The following MYH13 variants were observed in gnomAD, a reference collection of about 807,000 sequenced individuals.
MYH13 encodes the protein myosin-13.
In MYH13, 177 loss-of-function variants were observed where a neutral mutation model predicts 232.1. The ratio of observed to expected loss-of-function variants is 0.76; its 90% CI spans 0.67 to 0.86. MYH13 has a LOEUF of 0.86. Ranked by LOEUF, MYH13 falls within the 40% of genes least tolerant of loss-of-function variation. The pLI is 0.00. For missense variants in MYH13, 2,246 were observed against 2,405.9 expected (o/e 0.93, Z 1.39); for synonymous variants, 884 against 923.5 (o/e 0.96, Z 0.78).
intron 23 of MYH13, among the ~76,000 whole-genome samples, chr17:10,323,727 G>A (rs770000207): frequency 2.3e-5 from 3 of 132,102 alleles, no homozygotes; most frequent in Non-Finnish European, 4.6e-5. Flanking sequence ...CCACTGTAGC[G>A]AGATCTGCCT....
chr17:10,302,538 G>A (rs970073058), intron 39 of MYH13, among the ~76,000 whole-genome samples: 1 of 152,134 alleles, frequency 6.6e-6, no homozygotes, highest in Non-Finnish European at 1.5e-5. Context: ...GTTTAACTCA[G>A]ATTTTCCCAA....
intron 18 of MYH13, among the ~76,000 whole-genome samples, chr17:10,339,207 C>T (rs1041339300): frequency 5.3e-5 from 8 of 152,088 alleles, no homozygotes; most frequent in African/African-American, 1.9e-4. Context: ...GAGTTAGCTA[C>T]CCCATAGCCA....
At chr17:10,338,668 T>G (rs986022150) in intron 18 of MYH13, among the ~76,000 whole-genome samples, 3 of 150,660 alleles carry the variant, frequency 2.0e-5, no homozygotes, top group Non-Finnish European at 1.5e-5. Context: ...AATAATAGAT[T>G]AAAATGCCAC....
chr17:10,314,899 C>T (rs545719682), intron 29 of MYH13, among the ~76,000 whole-genome samples: 1 of 152,286 alleles, frequency 6.6e-6, no homozygotes, highest in East Asian at 1.9e-4. Flanking sequence ...AATATCTAGA[C>T]ATTGAAATCA....
At chr17:10,343,038 C>T (rs112561519) in intron 16 of MYH13, among the ~76,000 whole-genome samples, 3 of 146,034 alleles carry the variant, frequency 2.1e-5, no homozygotes, top group East Asian at 2.0e-4. Flanking sequence ...TGCAGTGAGC[C>T]GAGATTGCAC....
intron 2 of MYH13, among the ~76,000 whole-genome samples, chr17:10,370,793 G>A (rs558861531): frequency 2.6e-5 from 4 of 152,252 alleles, no homozygotes; most frequent in East Asian, 1.9e-4. Context: ...AGGATTGAAC[G>A]GATCCCTCCC....
chr17:10,314,955 C>T (rs960307418), intron 29 of MYH13, among the ~76,000 whole-genome samples: 1 of 152,110 alleles, frequency 6.6e-6, no homozygotes, highest in Non-Finnish European at 1.5e-5. Flanking sequence ...CAAGGGTGCT[C>T]CCAAAACCAT....
chr17:10,323,592 T>C (rs1230669686), intron 23 of MYH13, among the ~76,000 whole-genome samples: 1 of 151,662 alleles, frequency 6.6e-6, no homozygotes, highest in Non-Finnish European at 1.5e-5. Context: ...ACTCCGTCTC[T>C]ACTAAAAATA....
At chr17:10,364,809 A>C (rs1461156649) in intron 2 of MYH13, among the ~76,000 whole-genome samples, 1 of 151,698 alleles carries the variant, frequency 6.6e-6, no homozygotes, top group African/African-American at 2.4e-5. Flanking sequence ...GTTCAGTCCC[A>C]TGTGTGCATG....
At chr17:10,313,074 A>G in intron 30 of MYH13, 84 bp downstream of exon 30, 1 of 1,590,280 alleles carries the variant, frequency 6.3e-7, no homozygotes, top group Non-Finnish European at 8.6e-7. Flanking sequence ...TGGGCAGGAA[A>G]GAATCTCTCA....
In MYH13 at chr17:10,366,381, G is replaced by GTTTTTTTTTTTTTTTTT. The variant is rs56798899; in HGVS notation, c.-12-1856_-12-1840dup. On this transcript the variant is annotated intron_variant, in intron 2 of 40. Coordinates refer to ENST00000252172, the MANE Select transcript of MYH13 (RefSeq NM_003802.3). ...CATATCTCTCTTAAGAAATAAATCTGTTTTTTTTTTTTTTTTTGAGATGGA... is the reference window on the plus strand; with the variant it reads ...CATATCTCTCTTAAGAAATAAATCTGTTTTTTTTTTTTTTTTTTTTTTTTTTTTTTTTTTGAGATGGA... Among the ~76,000 whole-genome samples the GTTTTTTTTTTTTTTTTT allele has an allele frequency of 8.6e-4, 97 of 112,614 alleles. 6 individuals are homozygous for GTTTTTTTTTTTTTTTTT. The highest frequency in any genetic ancestry group is 1.3e-3 in the Non-Finnish European group (71 of 53,096). 73.9% of individuals were successfully genotyped at this position (112,614 alleles called of 152,430 possible). A position where few individuals can be genotyped will look rare whatever the true frequency, so the allele number is the denominator to read the frequency against.
In MYH13 at chr17:10,366,381, G is replaced by GTTTTTTTT. The variant is rs56798899; in HGVS notation, c.-12-1847_-12-1840dup. On this transcript the variant is annotated intron_variant, in intron 2 of 40. Transcript: ENST00000252172. Reference sequence around the variant, plus strand: ...CATATCTCTCTTAAGAAATAAATCTGTTTTTTTTTTTTTTTTTGAGATGGA... The same window carrying GTTTTTTTT: ...CATATCTCTCTTAAGAAATAAATCTGTTTTTTTTTTTTTTTTTTTTTTTTTGAGATGGA... Among the ~76,000 whole-genome samples the GTTTTTTTT allele has an allele frequency of 6.7e-4, 75 of 112,612 alleles. 6 individuals are homozygous for GTTTTTTTT. Among genetic ancestry groups the GTTTTTTTT allele is most frequent in the African/African-American group, 2.1e-3 (65 of 30,912 alleles). 73.9% of individuals were successfully genotyped at this position (112,612 alleles called of 152,430 possible).
At position 10,300,935 on chromosome 17, in the gene MYH13, G is replaced by A. The variant is rs758660412; in HGVS notation, c.*16C>T. 3.7e-6 allele frequency: 6 copies of A among 1,611,674 alleles called. No homozygotes were observed. The highest frequency in any genetic ancestry group is 3.3e-5 in the South Asian group (3 of 90,932). ...TCTCTCGGAGGTGTCCCATGGCAACGAGCATCAGGTGAGCCTCATTCTTCC... is the reference window on the plus strand; with the variant it reads ...TCTCTCGGAGGTGTCCCATGGCAACAAGCATCAGGTGAGCCTCATTCTTCC... On this transcript the variant is annotated 3_prime_UTR_variant, in exon 41 of 41. Transcript: ENST00000252172.
rs1397552868 is a variant in MYH13, at chr17:10,321,628, C to T, written c.3015G>A (p.Glu1005=). ...GATCATCCAGTGTTTGCTGATGGGC[C>T]TCCTGTAGAGATTTCTTTTCTTTGG... ...KLTKEKKSLQ[E]AHQQTLDDLQ... is the part of the protein sequence containing the mutation. The change falls in exon 24 of 41, where the codon GAG becomes GAA. Residue 1005 remains glutamate, a synonymous_variant. Coordinates refer to ENST00000252172, the MANE Select transcript of MYH13 (RefSeq NM_003802.3). 4 of 1,613,474 alleles carry T rather than the reference C, an allele frequency of 2.5e-6. No homozygotes were observed. The highest frequency in any genetic ancestry group is 2.2e-5 in the South Asian group (2 of 91,076).
At position 10,306,631 on chromosome 17, in the gene MYH13, T is replaced by C. The variant is rs781166368; in HGVS notation, c.5296-2A>G. 2 of 1,613,998 alleles carry C rather than the reference T, an allele frequency of 1.2e-6. No homozygotes were observed. Among genetic ancestry groups the C allele is most frequent in the South Asian group, 2.2e-5 (2 of 91,062 alleles). On this transcript the variant is annotated splice_acceptor_variant, in intron 36 of 40. Coordinates refer to ENST00000252172, the MANE Select transcript of MYH13 (RefSeq NM_003802.3). LOFTEE classifies it high-confidence loss of function. This position sits in a 1 kb window ranked among gnomAD's most constrained non-coding sequence, Gnocchi z 4.3. ...TAGCTCCTCAGCCATCATGGCAGCC[T>C]GGTTAAGTTCACAGGACACATCAGA... is the stretch of plus-strand genomic sequence containing the variant.
intron 18 of MYH13, among the ~76,000 whole-genome samples, chr17:10,338,200 C>T (rs8069967): frequency 0.77 from 117,620 of 152,000 alleles, 45,894 homozygotes; most frequent in East Asian, 0.9. Flanking sequence ...ATGTACTCAA[C>T]GACGACAGTA....
intron 3 of MYH13, among the ~76,000 whole-genome samples, chr17:10,363,787 C>T (rs1219527845): frequency 6.6e-6 from 1 of 152,186 alleles, no homozygotes; most frequent in East Asian, 1.9e-4. Context: ...CAAGGTCTCT[C>T]TCATATGCCT....
At chr17:10,305,082 A>G (rs918113103) in intron 37 of MYH13, among the ~76,000 whole-genome samples, 5 of 152,184 alleles carry the variant, frequency 3.3e-5, no homozygotes, top group Admixed American at 2.0e-4. Flanking sequence ...GACCCAGGAA[A>G]TGTCTTCCAT....
chr17:10,331,988 C>T (rs1907421063), intron 20 of MYH13, 111 bp downstream of exon 20: 1 of 1,399,968 alleles, frequency 7.1e-7, no homozygotes, highest in African/African-American at 1.4e-5. Context: ...GGCGACTGGG[C>T]AAGGACGGTC....
Sources: gnomAD v4.1 joint callset for allele counts (sites outside exome capture counted in the v4.1 genomes callset) on GRCh38, gnomAD v4.1.1 for gene constraint, Gnocchi (gnomAD v3.1) non-coding constraint, MANE v1.5 for transcripts, NCBI Gene and HGNC (gene_info 2026-07-23, HGNC 2026-07-21) for gene names.